The following PTPN3 variants were observed in gnomAD, a reference collection of about 807,000 sequenced individuals.
PTPN3 encodes the protein protein tyrosine phosphatase non-receptor type 3.
PTPN3 carries 96 observed loss-of-function variants against 132.7 expected under a neutral mutation model. The ratio of observed to expected loss-of-function variants is 0.72; its 90% CI spans 0.61 to 0.86. PTPN3 has a LOEUF of 0.86. Ranked by LOEUF, PTPN3 falls within the 40% of genes least tolerant of loss-of-function variation. The pLI, the probability that PTPN3 is intolerant of heterozygous loss-of-function variation, is 0.00. For missense variants in PTPN3, 1,125 were observed against 1,159.6 expected (o/e 0.97, Z 0.43); for synonymous variants, 398 against 429.0 (o/e 0.93, Z 0.89).
intron 1 of PTPN3, among the ~76,000 whole-genome samples, chr9:109,481,434 T>A (rs748605860): frequency 5.9e-5 from 9 of 152,214 alleles, no homozygotes; most frequent in Non-Finnish European, 1.3e-4. Flanking sequence ...CAGGGTCTCA[T>A]GCTTCTCTGG....
At chr9:109,474,463 G>C (rs1178909436) in intron 1 of PTPN3, among the ~76,000 whole-genome samples, 1 of 152,164 alleles carries the variant, frequency 6.6e-6, no homozygotes, top group African/African-American at 2.4e-5. Flanking sequence ...GAAGCCCCAG[G>C]GTGCTGGAGG....
At chr9:109,484,547 C>A (rs1047796484) in intron 1 of PTPN3, among the ~76,000 whole-genome samples, 1 of 152,186 alleles carries the variant, frequency 6.6e-6, no homozygotes, top group Admixed American at 6.5e-5. Flanking sequence ...AATTGAGGGG[C>A]AAAAGTTGTG....
chr9:109,389,149 A>T, intron 22 of PTPN3, 84 bp downstream of exon 22: 1 of 1,519,976 alleles, frequency 6.6e-7, no homozygotes, highest in South Asian at 1.3e-5. Flanking sequence ...GAGACGCTGA[A>T]GACCCTTCTC....
At chr9:109,457,572 T>C (rs963988344) in intron 2 of PTPN3, among the ~76,000 whole-genome samples, 173 bp from the exon 3 acceptor site, 3 of 152,194 alleles carry the variant, frequency 2.0e-5, no homozygotes, top group African/African-American at 4.8e-5. Context: ...ATATGGGAAG[T>C]AGGGCTAAGA....
At chr9:109,450,151 T>C (rs1845155480) in intron 5 of PTPN3, 1 of 984,510 alleles carries the variant, frequency 1.0e-6, no homozygotes, top group Non-Finnish European at 1.2e-6. Flanking sequence ...GTCGTAACTC[T>C]AATATTATTA....
intron 1 of PTPN3, among the ~76,000 whole-genome samples, chr9:109,471,024 C>T (rs1250451083): frequency 6.6e-6 from 1 of 151,628 alleles, no homozygotes; most frequent in Non-Finnish European, 1.5e-5. Flanking sequence ...ACCCTTTTGC[C>T]CTGGATTCAA....
chr9:109,492,722 A>T (rs958866410), intron 1 of PTPN3, among the ~76,000 whole-genome samples: 1 of 152,168 alleles, frequency 6.6e-6, no homozygotes, highest in Non-Finnish European at 1.5e-5. Context: ...TTGCTCCAAA[A>T]ATGTAATTCT....
intron 5 of PTPN3, chr9:109,450,463 G>A (rs968604199): frequency 1.0e-6 from 1 of 982,918 alleles, no homozygotes; most frequent in Non-Finnish European, 1.2e-6. Flanking sequence ...TGTCTTCCTA[G>A]GGATATAAAT....
At chr9:109,379,678 T>C in intron 25 of PTPN3, 45 bp from the exon 26 acceptor site, 1 of 1,504,906 alleles carries the variant, frequency 6.6e-7, no homozygotes, top group Non-Finnish European at 9.3e-7. Context: ...CTCCAGGAAA[T>C]GCTGCCTACC....
At chr9:109,381,968 C>G (rs1839137480) in intron 24 of PTPN3, among the ~76,000 whole-genome samples, 181 bp from the exon 25 acceptor site, 1 of 152,224 alleles carries the variant, frequency 6.6e-6, no homozygotes, top group Non-Finnish European at 1.5e-5. Flanking sequence ...ACATCTGAGA[C>G]TGGGGGCTAG....
intron 19 of PTPN3, chr9:109,392,833 A>G (rs1840244551): frequency 6.6e-6 from 1 of 152,126 alleles, no homozygotes; most frequent in African/African-American, 2.4e-5. Flanking sequence ...CAAACTCCTG[A>G]CCTCAACTGA....
chr9:109,483,887 C>T (rs1046404392), intron 1 of PTPN3, among the ~76,000 whole-genome samples: 2 of 152,168 alleles, frequency 1.3e-5, no homozygotes, highest in African/African-American at 4.8e-5. Flanking sequence ...GGATGAATGC[C>T]GCTCAAAGTG....
chr9:109,508,500 G>T, the PTPN3 span, among the ~76,000 whole-genome samples: 2 of 152,194 alleles, frequency 1.3e-5, no homozygotes, highest in East Asian at 3.9e-4. Flanking sequence ...ATTTTGACTT[G>T]CATTGAGTTA....
intron 10 of PTPN3, 192 bp from the exon 11 acceptor site, chr9:109,428,876 C>A (rs1843467153): frequency 1.0e-6 from 1 of 985,266 alleles, no homozygotes; most frequent in South Asian, 4.7e-5. Context: ...CTGACTGAAG[C>A]TGAGCACTGC....
intron 19 of PTPN3, among the ~76,000 whole-genome samples, chr9:109,398,782 A>T (rs1223463247): frequency 6.6e-6 from 1 of 152,196 alleles, no homozygotes; most frequent in Non-Finnish European, 1.5e-5. Context: ...TAGCATCATC[A>T]CTTAGCTTTT....
At chr9:109,459,865 T>C (rs1347317598) in intron 2 of PTPN3, among the ~76,000 whole-genome samples, 1 of 152,078 alleles carries the variant, frequency 6.6e-6, no homozygotes, top group Non-Finnish European at 1.5e-5. Flanking sequence ...CAGACTCCTT[T>C]AGTGCCTGCT....
intron 9 of PTPN3, among the ~76,000 whole-genome samples, chr9:109,434,911 T>TG (rs1843925126): frequency 1.3e-5 from 2 of 152,080 alleles, no homozygotes; most frequent in Non-Finnish European, 2.9e-5. Context: ...AATGTGAACA[T>TG]GGAGTTAGAG....
chr9:109,454,970 C>T (rs1845485574), intron 4 of PTPN3, among the ~76,000 whole-genome samples: 1 of 152,220 alleles, frequency 6.6e-6, no homozygotes, highest in Non-Finnish European at 1.5e-5. Context: ...CATGTACATT[C>T]CTGCATTTCA....
At chr9:109,412,942 A>ATTTT (rs34903384) in intron 14 of PTPN3, among the ~76,000 whole-genome samples, 3,258 of 140,014 alleles carry the variant, frequency 0.023, 65 homozygotes, top group Non-Finnish European at 0.033. Flanking sequence ...GCCCTAACCT[A>ATTTT]TTTTTTTTTT....
Sources: gnomAD v4.1 joint callset for allele counts (sites outside exome capture counted in the v4.1 genomes callset) on GRCh38, gnomAD v4.1.1 for gene constraint, MANE v1.5 for transcripts, NCBI Gene and HGNC (gene_info 2026-07-23, HGNC 2026-07-21) for gene names.